The following KDM4B variants were observed in gnomAD, a reference collection of about 807,000 sequenced individuals.
KDM4B encodes the protein lysine-specific demethylase 4B.
A neutral mutation model predicts 125.2 loss-of-function variants in KDM4B; 32 were observed. The ratio of observed to expected loss-of-function variants is 0.26; its 90% CI spans 0.19 to 0.34. KDM4B has a LOEUF of 0.34. Among genes scored for constraint, KDM4B ranks in the 10% least tolerant of loss-of-function variants. The pLI is 1.00. For synonymous variants in KDM4B, 721 were observed against 677.9 expected (o/e 1.06, Z -0.99); for missense variants, 1,190 against 1,577.7 (o/e 0.75, Z 4.16).
At position 5,115,381 on chromosome 19, in the gene KDM4B, C is replaced by A. The variant is rs2039235421; in HGVS notation, c.1116-4272C>A. Reference sequence around the variant, plus strand: ...GGGGCCCAGCTGCCAGCCTCACATCCCCCCAACCCCCAAGGCCAGGAGAGA... The same window carrying A: ...GGGGCCCAGCTGCCAGCCTCACATCACCCCAACCCCCAAGGCCAGGAGAGA... On this transcript the variant is annotated intron_variant, in intron 10 of 22. Coordinates refer to ENST00000159111, the MANE Select transcript of KDM4B (RefSeq NM_015015.3). This position sits in a 1 kb window ranked among gnomAD's most constrained non-coding sequence, Gnocchi z 4.2. 6.6e-6 allele frequency among the ~76,000 whole-genome samples: 1 copy of A among 152,200 alleles called. No homozygotes were observed. Among genetic ancestry groups the A allele is most frequent in the South Asian group, 2.1e-4 (1 of 4,816 alleles).
intron 3 of KDM4B, among the ~76,000 whole-genome samples, chr19:5,037,815 C>G (rs1458504937): frequency 6.6e-6 from 1 of 152,246 alleles, no homozygotes; most frequent in Non-Finnish European, 1.5e-5. Context: ...GACAAGACCC[C>G]CCCTCAGTTG....
intron 1 of KDM4B, among the ~76,000 whole-genome samples, chr19:4,993,537 A>G (rs942916721): frequency 1.3e-5 from 2 of 151,416 alleles, no homozygotes. Context: ...ATATATGTTT[A>G]TAATTGCTGT....
intron 6 of KDM4B, among the ~76,000 whole-genome samples, chr19:5,049,115 G>A (rs1359995293): frequency 1.3e-5 from 2 of 152,148 alleles, no homozygotes; most frequent in East Asian, 3.9e-4. Context: ...TAGGTCAGAG[G>A]GGCCTCTGCG....
chr19:4,988,344 A>C (rs370554087), intron 1 of KDM4B, among the ~76,000 whole-genome samples: 61 of 151,854 alleles, frequency 4.0e-4, no homozygotes, highest in Admixed American at 1.1e-3. Context: ...GGTGCGATCT[A>C]GGCTCACTGC....
chr19:5,088,339 T>C (rs949643529), intron 9 of KDM4B, among the ~76,000 whole-genome samples: 22 of 151,822 alleles, frequency 1.4e-4, no homozygotes, highest in African/African-American at 5.3e-4. Flanking sequence ...GGGAGGTGAG[T>C]GTAAAAATGC....
At chr19:5,012,392 C>T (rs535389942) in intron 1 of KDM4B, among the ~76,000 whole-genome samples, 1 of 152,334 alleles carries the variant, frequency 6.6e-6, no homozygotes, top group South Asian at 2.1e-4. Flanking sequence ...CTTCCCGCTT[C>T]ATTCGGATTG....
At chr19:5,017,026 G>C (rs1187517967) in intron 2 of KDM4B, among the ~76,000 whole-genome samples, 1 of 152,242 alleles carries the variant, frequency 6.6e-6, no homozygotes, top group Non-Finnish European at 1.5e-5. Context: ...GGTGGCAGTG[G>C]CAGCGGCGGC....
intron 11 of KDM4B, among the ~76,000 whole-genome samples, chr19:5,123,578 G>A (rs1168451217): frequency 6.6e-6 from 1 of 152,250 alleles, no homozygotes; most frequent in Non-Finnish European, 1.5e-5. Flanking sequence ...AACAGCACAG[G>A]GACTCAGCTC....
intron 1 of KDM4B, among the ~76,000 whole-genome samples, chr19:4,999,763 A>G (rs2035312407): frequency 7.7e-6 from 1 of 130,138 alleles, no homozygotes; most frequent in South Asian, 2.6e-4. Flanking sequence ...CTATCCATCC[A>G]TCCATCCACC....
At chr19:5,065,506 C>T (rs2037739964) in intron 6 of KDM4B, among the ~76,000 whole-genome samples, 1 of 152,240 alleles carries the variant, frequency 6.6e-6, no homozygotes, top group Non-Finnish European at 1.5e-5. Context: ...GAAAATAGCA[C>T]ATTTGCTGGC....
chr19:5,055,037 C>T (rs1261718616), intron 6 of KDM4B, among the ~76,000 whole-genome samples: 2 of 152,232 alleles, frequency 1.3e-5, no homozygotes, highest in African/African-American at 4.8e-5. Context: ...GATTGCATCT[C>T]TGCGCCTGGC....
At chr19:5,111,824 C>A in intron 10 of KDM4B, 1 of 765,136 alleles carries the variant, frequency 1.3e-6, no homozygotes, top group Non-Finnish European at 2.4e-6. Flanking sequence ...CAACTCAAGA[C>A]CCTTGCAGAT....
chr19:5,041,547 C>T (rs896042364), intron 5 of KDM4B, among the ~76,000 whole-genome samples: 3 of 152,262 alleles, frequency 2.0e-5, no homozygotes, highest in African/African-American at 7.2e-5. Flanking sequence ...CGTGTACTTT[C>T]CCAGTCCCTG....
chr19:5,070,978 C>T, intron 6 of KDM4B, 32 bp from the exon 7 acceptor site: 7 of 1,613,256 alleles, frequency 4.3e-6, no homozygotes, highest in Admixed American at 1.7e-5. Context: ...TGCCACCGAT[C>T]TTGCCTCTGA....
chr19:5,144,541 C>T, intron 20 of KDM4B, 129 bp downstream of exon 20: 1 of 1,005,722 alleles, frequency 9.9e-7, no homozygotes, highest in Non-Finnish European at 1.4e-6. Context: ...CTCCAGATCC[C>T]TTCATGGGGT....
intron 9 of KDM4B, among the ~76,000 whole-genome samples, chr19:5,087,020 G>C (rs748728790): frequency 6.6e-6 from 1 of 152,262 alleles, no homozygotes; most frequent in Non-Finnish European, 1.5e-5. Flanking sequence ...GGCCCTGCGC[G>C]CACACACAGG....
At position 5,084,544 on chromosome 19, in the gene KDM4B, T is replaced by C. The variant is rs1215657347; in HGVS notation, c.918+2040T>C. ...AATTATATATGTTATTTATATATTA[T>C]ATATAATATATAAATTATATAAATT... On this transcript the variant is annotated intron_variant, in intron 9 of 22. Coordinates refer to ENST00000159111, the MANE Select transcript of KDM4B (RefSeq NM_015015.3). Among the ~76,000 whole-genome samples, 3 of 135,370 alleles carry C rather than the reference T, an allele frequency of 2.2e-5. No individual in the cohort carries two copies. The East Asian group carries it at 7.0e-4, about 32-fold the overall frequency. The allele number at this position is 135,370 out of a possible 152,430, so 88.8% of individuals were successfully genotyped here. A position where few individuals can be genotyped will look rare whatever the true frequency, so the allele number is the denominator to read the frequency against.
intron 6 of KDM4B, among the ~76,000 whole-genome samples, chr19:5,051,286 G>A (rs148273289): frequency 2.0e-5 from 3 of 152,226 alleles, no homozygotes; most frequent in Admixed American, 1.3e-4. Flanking sequence ...ATCCCCCCTC[G>A]AGGGCCCTGG....
chr19:5,065,090 G>T (rs1298148335), intron 6 of KDM4B, among the ~76,000 whole-genome samples: 1 of 152,240 alleles, frequency 6.6e-6, no homozygotes, highest in Non-Finnish European at 1.5e-5. Context: ...AGCCAGGCAG[G>T]CAGTGCCCAC....
Sources: gnomAD v4.1 joint callset for allele counts (sites outside exome capture counted in the v4.1 genomes callset) on GRCh38, gnomAD v4.1.1 for gene constraint, Gnocchi (gnomAD v3.1) non-coding constraint, MANE v1.5 for transcripts, NCBI Gene and HGNC (gene_info 2026-07-23, HGNC 2026-07-21) for gene names.